ZNF746: variants seen among roughly 807,000 people sequenced by gnomAD.
The protein encoded by ZNF746 is zinc finger protein 746, also known as parkin-interacting substrate.
A neutral mutation model predicts 41.0 loss-of-function variants in ZNF746; 13 were observed. The observed-to-expected ratio is 0.32, with a 90% CI of 0.21 to 0.50. The LOEUF (loss-of-function observed/expected upper bound fraction) is 0.50, where lower values mean the gene tolerates loss of function less well. ZNF746 is among the 20% of genes least tolerant of loss of function. ZNF746 has a pLI of 0.98. For synonymous variants in ZNF746, 424 were observed against 396.2 expected (o/e 1.07, Z -0.83); for missense variants, 811 against 922.9 (o/e 0.88, Z 1.57).
intron 4 of ZNF746, among the ~76,000 whole-genome samples, chr7:149,485,353 G>A (rs1276549651): frequency 6.6e-6 from 1 of 152,130 alleles, no homozygotes; most frequent in African/African-American, 2.4e-5. Context: ...AACCCCAACT[G>A]GAATTTTTCA....
rs1329289952 is a variant in ZNF746 at position 149,497,729 on chromosome 7, T to G, written c.-193A>C. 4.7e-6 allele frequency: 1 copy of G among 214,064 alleles called. No individual in the cohort carries two copies. The highest frequency in any genetic ancestry group is 8.1e-6 in the Non-Finnish European group (1 of 123,930). The allele number at this position is 214,064 out of a possible 1,614,324, so 13.3% of individuals were successfully genotyped here. A position where few individuals can be genotyped will look rare whatever the true frequency, so the allele number is the denominator to read the frequency against. ...GCCGCCTCCGTCAGCGCCCGGCCGG[T>G]CCACACTGCATCCTGGGAGCCGGCG... On this transcript the variant is annotated 5_prime_UTR_variant, in exon 1 of 7. Transcript: ENST00000458143. The surrounding 1 kb of genome is among the most constrained non-coding windows in gnomAD (Gnocchi z 4.2).
At chr7:149,495,908 G>A (rs1470152730) in intron 1 of ZNF746, among the ~76,000 whole-genome samples, 3 of 152,108 alleles carry the variant, frequency 2.0e-5, no homozygotes, top group Non-Finnish European at 2.9e-5. Flanking sequence ...ACCCCAATGC[G>A]GGTGGGAGTC....
rs1585747663 is a variant in ZNF746, at chr7:149,497,765, G to C, written c.-229C>G. On this transcript the variant is annotated 5_prime_UTR_variant, in exon 1 of 7. Transcript: ENST00000458143. This position sits in a 1 kb window ranked among gnomAD's most constrained non-coding sequence, Gnocchi z 4.2. Reference sequence around the variant, plus strand: ...TCCTGGGAGCCGGCGCCGCGGCCCGGCAGACGAAGGCCCGTGAGGCTTCCT... The same window carrying C: ...TCCTGGGAGCCGGCGCCGCGGCCCGCCAGACGAAGGCCCGTGAGGCTTCCT... 1.2e-5 allele frequency: 2 copies of C among 164,606 alleles called. No individual in the cohort carries two copies. The highest frequency in any genetic ancestry group is 3.7e-4 in the East Asian group (2 of 5,432). The allele number at this position is 164,606 out of a possible 1,614,324, so 10.2% of individuals were successfully genotyped here.
rs763162329 is a variant in ZNF746 at position 149,475,171 on chromosome 7, A to C, written c.1196T>G (p.Phe399Cys). ...CAGGCCCACTGGCGGTTTACACCGG[A>C]AATTCCAGCCCCACCGGACCCCTCC... Reference protein sequence around the residue: ...LFGGVRWGWNFRCKPPVGLNP... With the variant: ...LFGGVRWGWNCRCKPPVGLNP... Residue 399 changes from phenylalanine to cysteine, a missense_variant, in exon 7 of 7, where the codon TTC becomes TGC. Transcript: ENST00000458143. The C allele has an allele frequency of 2.5e-6, 4 of 1,612,556 alleles. No individual in the cohort carries two copies. Among genetic ancestry groups the C allele is most frequent in the Non-Finnish European group, 3.4e-6 (4 of 1,179,774 alleles).
At chr7:149,479,547 TA>T (rs1800423805) in intron 4 of ZNF746, among the ~76,000 whole-genome samples, 3 of 152,218 alleles carry the variant, frequency 2.0e-5, no homozygotes, top group Non-Finnish European at 4.4e-5. Flanking sequence ...AAAGACATAT[TA>T]TGAACACATT....
At chr7:149,485,119 G>T (rs953058453) in intron 4 of ZNF746, among the ~76,000 whole-genome samples, 2 of 132,358 alleles carry the variant, frequency 1.5e-5, no homozygotes, top group South Asian at 2.4e-4. Context: ...GAAAATGCAA[G>T]TTAAAAAAAG....
chr7:149,478,706 A>G (rs537428774), intron 4 of ZNF746, among the ~76,000 whole-genome samples: 1 of 152,372 alleles, frequency 6.6e-6, no homozygotes, highest in East Asian at 1.9e-4. Flanking sequence ...CACTCCCAAG[A>G]ACTAATGAAA....
rs1453956269 is a variant in ZNF746, at chr7:149,491,660, G to A, written c.565+1199C>T. On this transcript the variant is annotated intron_variant, in intron 4 of 6. Transcript: ENST00000458143. Reference sequence around the variant, plus strand: ...GAAAGTGCAAATCTGACTGAGATGAGATGACGAACATGGGGGATGCATTTA... The same window carrying A: ...GAAAGTGCAAATCTGACTGAGATGAAATGACGAACATGGGGGATGCATTTA... 3 of 554,508 alleles carry A rather than the reference G, an allele frequency of 5.4e-6. No individual in the cohort carries two copies. In the African/African-American group the frequency reaches 5.6e-5, roughly 10 times the overall value. The allele number at this position is 554,508 out of a possible 1,614,324, so 34.3% of individuals were successfully genotyped here. A position where few individuals can be genotyped will look rare whatever the true frequency, so the allele number is the denominator to read the frequency against.
At chr7:149,489,008 A>C (rs144970384) in intron 4 of ZNF746, 1 of 152,344 alleles carries the variant, frequency 6.6e-6, no homozygotes, top group East Asian at 1.9e-4. Context: ...AACTTGATCT[A>C]CATGTATCAA....
At position 149,497,272 on chromosome 7, in the gene ZNF746, T is replaced by G; in HGVS notation, c.24+241A>C. ...CCCGGAGGGCCCAAAGAACTTGGCG[T>G]GGGGCGGCCCGGGGCGGGGACAACC... On this transcript the variant is annotated intron_variant, in intron 1 of 6. Transcript: ENST00000458143. This position sits in a 1 kb window ranked among gnomAD's most constrained non-coding sequence, Gnocchi z 4.2. The G allele has an allele frequency of 1.0e-6, 1 of 984,908 alleles. No homozygotes were observed. The highest frequency in any genetic ancestry group is 1.2e-6 in the Non-Finnish European group (1 of 829,740). The allele number at this position is 984,908 out of a possible 1,614,324, so 61.0% of individuals were successfully genotyped here. A position where few individuals can be genotyped will look rare whatever the true frequency, so the allele number is the denominator to read the frequency against.
chr7:149,477,878 T>G, intron 4 of ZNF746, 123 bp from the exon 5 acceptor site: 1 of 776,490 alleles, frequency 1.3e-6, no homozygotes, highest in Non-Finnish European at 1.9e-6. Flanking sequence ...AAGAGCCTGG[T>G]GGGAAGGGAG....
rs1297155579 is a variant in ZNF746, at chr7:149,474,430, G to A, written c.1937C>T (p.Thr646Ile). 6.2e-7 allele frequency: 1 copy of A among 1,611,170 alleles called. No individual in the cohort carries two copies. Residue 646 changes from threonine to isoleucine, a missense_variant, in exon 7 of 7, where the codon ACT becomes ATT. By Grantham distance (89) the Thr-to-Ile change is moderately conservative. Around this residue, in one of 4 missense-constraint regions of ZNF746, gnomAD observed 99 missense variants for 80.3 expected, o/e 1.23. Transcript: ENST00000458143. The surrounding 1 kb of genome is among the most constrained non-coding windows in gnomAD (Gnocchi z 6.3). Reference protein sequence around the residue: ...LASTDLVTDWTCGLSVLGPTD... With the variant: ...LASTDLVTDWICGLSVLGPTD... The stretch of plus-strand genomic sequence containing the variant: ...GGGTCCCAGGACGCTGAGGCCACAA[G>A]TCCAGTCGGTCACAAGGTCTGTGGA...
rs1801022818 is a variant in ZNF746 at position 149,497,061 on chromosome 7, G to C, written c.24+452C>G. The C allele has an allele frequency of 1.5e-5, 15 of 985,388 alleles. No homozygotes were observed. Among genetic ancestry groups the C allele is most frequent in the Non-Finnish European group, 1.8e-5 (15 of 829,906 alleles). 61.0% of individuals were successfully genotyped at this position (985,388 alleles called of 1,614,324 possible). A position where few individuals can be genotyped will look rare whatever the true frequency, so the allele number is the denominator to read the frequency against. On this transcript the variant is annotated intron_variant, in intron 1 of 6. Coordinates refer to ENST00000458143, the MANE Select transcript of ZNF746 (RefSeq NM_001394198.1). The surrounding 1 kb of genome is among the most constrained non-coding windows in gnomAD (Gnocchi z 4.2). ...CTATATTCCCTTCCGCGCCGACCCC[G>C]GGAAGCTGGGCACGTAGTGGGAGTC...
chr7:149,474,493 T>A lies in ZNF746; in HGVS notation c.1874A>T (p.Asp625Val), dbSNP rs1239506205. Residue 625 changes from aspartate to valine, a missense_variant, in exon 7 of 7, where the codon GAT becomes GTT. Asp to Val is a radical substitution (Grantham distance 152). This residue lies in a region of ZNF746 where 99 missense variants were observed against 80.3 expected (regional missense o/e 1.23). Coordinates refer to ENST00000458143, the MANE Select transcript of ZNF746 (RefSeq NM_001394198.1). This position sits in a 1 kb window ranked among gnomAD's most constrained non-coding sequence, Gnocchi z 6.3. ...TTTGGAGGCGGGGCTCTTGAAGGGA[T>A]CAGGAGGTGCGGGCGGCGTCGGGAG... is the stretch of plus-strand genomic sequence containing the variant. ...QPLPTPPAPPDPFKSPASKGP... is the reference protein window; with the variant it reads ...QPLPTPPAPPVPFKSPASKGP... 3.1e-6 allele frequency: 5 copies of A among 1,610,502 alleles called. No homozygotes were observed. In the Admixed American group the frequency reaches 8.4e-5, roughly 27 times the overall value.
At chr7:149,489,290 A>G (rs1800725707) in intron 4 of ZNF746, 1 of 152,012 alleles carries the variant, frequency 6.6e-6, no homozygotes, top group Admixed American at 6.6e-5. Flanking sequence ...AAATTTTGAA[A>G]CAGCATACAT....
At chr7:149,495,652 G>A (rs1486164317) in intron 1 of ZNF746, among the ~76,000 whole-genome samples, 1 of 152,198 alleles carries the variant, frequency 6.6e-6, no homozygotes. Flanking sequence ...TTTCCAAAAT[G>A]AAGAAGTAGC....
chr7:149,495,797 T>C (rs559513013), intron 1 of ZNF746, among the ~76,000 whole-genome samples: 1 of 152,248 alleles, frequency 6.6e-6, no homozygotes, highest in East Asian at 1.9e-4. Context: ...GTGCTTAAGA[T>C]ACTATCTATT....
At chr7:149,486,856 T>C (rs1484395500) in intron 4 of ZNF746, among the ~76,000 whole-genome samples, 3 of 152,208 alleles carry the variant, frequency 2.0e-5, no homozygotes, top group Admixed American at 6.5e-5. Context: ...TTACTACTAA[T>C]CTCTAAATGT....
rs1800905586 is a variant in ZNF746, at chr7:149,494,162, T to G, written c.324+42A>C. 1 of 1,613,820 alleles carries G rather than the reference T, an allele frequency of 6.2e-7. No individual in the cohort carries two copies. Among genetic ancestry groups the G allele is most frequent in the East Asian group, 2.2e-5 (1 of 44,858 alleles). On this transcript the variant is annotated intron_variant, in intron 2 of 6. Transcript: ENST00000458143. This position sits in a 1 kb window ranked among gnomAD's most constrained non-coding sequence, Gnocchi z 5.6. ...TCGCTCACCCACACGCTCACGGGTT[T>G]GGCCGCTTGGGCTCCCACACCCCAA...
Sources: gnomAD v4.1 joint callset for allele counts (sites outside exome capture counted in the v4.1 genomes callset) on GRCh38, gnomAD v4.1.1 for gene constraint, gnomAD v4.1.1 regional missense constraint, Gnocchi (gnomAD v3.1) non-coding constraint, MANE v1.5 for transcripts, NCBI Gene and HGNC (gene_info 2026-07-23, HGNC 2026-07-21) for gene names.